SMOC2: variants seen among roughly 807,000 people sequenced by gnomAD.
SMOC2 encodes SPARC related modular calcium binding 2.
In SMOC2, 39 loss-of-function variants were observed where a neutral mutation model predicts 61.4. That is an observed-to-expected ratio of 0.64 (90% CI 0.49 to 0.83). SMOC2 has a LOEUF of 0.83. Ranked by LOEUF, SMOC2 falls within the 40% of genes least tolerant of loss-of-function variation. SMOC2 has a pLI of 0.00. For synonymous variants in SMOC2, 247 were observed against 239.9 expected (o/e 1.03, Z -0.27); for missense variants, 556 against 592.9 (o/e 0.94, Z 0.65).
chr6:168,507,417 T>C (rs1462415635), intron 1 of SMOC2, among the ~76,000 whole-genome samples: 1 of 152,350 alleles, frequency 6.6e-6, no homozygotes, highest in African/African-American at 2.4e-5. Context: ...TGCAAAGCTG[T>C]GCTGCCCCAG....
intron 9 of SMOC2, among the ~76,000 whole-genome samples, chr6:168,641,123 T>C (rs973141815): frequency 1.3e-5 from 2 of 152,158 alleles, no homozygotes; most frequent in African/African-American, 4.8e-5. Flanking sequence ...AGAGTGAGAA[T>C]ACAGTCTTGC....
At chr6:168,497,047 G>T (rs1027359079) in intron 1 of SMOC2, among the ~76,000 whole-genome samples, 2 of 152,188 alleles carry the variant, frequency 1.3e-5, no homozygotes, top group Admixed American at 6.5e-5. Flanking sequence ...GCCCAGGCCC[G>T]CCCCTTCCTC....
At chr6:168,567,754 G>A (rs12195840) in intron 7 of SMOC2, among the ~76,000 whole-genome samples, 17,295 of 152,154 alleles carry the variant, frequency 0.11, 1,186 homozygotes, top group African/African-American at 0.17. Context: ...AGCCACAGGC[G>A]AAGACCAGAT....
intron 3 of SMOC2, among the ~76,000 whole-genome samples, chr6:168,526,699 A>C (rs1783462655): frequency 6.6e-6 from 1 of 152,224 alleles, no homozygotes. Context: ...TGCTGCTGTC[A>C]TTCACACTTT....
chr6:168,612,163 G>A (rs376038111), intron 9 of SMOC2, among the ~76,000 whole-genome samples: 169 of 152,296 alleles, frequency 1.1e-3, no homozygotes, highest in South Asian at 6.9e-3. Flanking sequence ...AGTGTGGGGA[G>A]AGGGTGACCC....
At chr6:168,495,240 C>T (rs1782557936) in intron 1 of SMOC2, among the ~76,000 whole-genome samples, 2 of 152,192 alleles carry the variant, frequency 1.3e-5, no homozygotes, top group South Asian at 2.1e-4. Context: ...GGGAAAGGCT[C>T]CTTGTGGCCC....
chr6:168,653,648 CCCTCTACCT>C (rs1787259404), intron 11 of SMOC2, among the ~76,000 whole-genome samples: 1 of 132,470 alleles, frequency 7.5e-6, no homozygotes, highest in African/African-American at 2.9e-5. Flanking sequence ...AACTCACCAA[CCCTCTACCT>C]GAGCTCCAAC....
intron 1 of SMOC2, among the ~76,000 whole-genome samples, chr6:168,484,517 G>GT (rs2115026514): frequency 6.6e-6 from 1 of 152,304 alleles, no homozygotes; most frequent in South Asian, 2.1e-4. Context: ...TAAAGCTGCT[G>GT]TGGAAAACAG....
chr6:168,619,218 C>G (rs1353283496), intron 9 of SMOC2, among the ~76,000 whole-genome samples: 1 of 152,148 alleles, frequency 6.6e-6, no homozygotes, highest in Non-Finnish European at 1.5e-5. Flanking sequence ...CCAAAGACAG[C>G]AGGGAGCATT....
intron 1 of SMOC2, among the ~76,000 whole-genome samples, chr6:168,461,947 TC>T (rs1331844607): frequency 1.3e-5 from 2 of 152,232 alleles, no homozygotes; most frequent in Non-Finnish European, 2.9e-5. Context: ...TGCCTTAGTG[TC>T]TTAGCCCGTC....
At chr6:168,479,548 G>T (rs529230231) in intron 1 of SMOC2, among the ~76,000 whole-genome samples, 14 of 152,274 alleles carry the variant, frequency 9.2e-5, no homozygotes, top group African/African-American at 3.4e-4. Flanking sequence ...CTAGGTAAAG[G>T]CTTGGACAGT....
intron 7 of SMOC2, among the ~76,000 whole-genome samples, chr6:168,578,043 C>T (rs1192888435): frequency 6.6e-6 from 1 of 152,244 alleles, no homozygotes; most frequent in Non-Finnish European, 1.5e-5. Flanking sequence ...CACTCTCCTA[C>T]ATCTGTGTCC....
At chr6:168,512,777 T>C (rs1783038197) in intron 2 of SMOC2, among the ~76,000 whole-genome samples, 1 of 152,142 alleles carries the variant, frequency 6.6e-6, no homozygotes, top group Admixed American at 6.5e-5. Flanking sequence ...GAAAACCACT[T>C]TCTATGGCCT....
chr6:168,534,063 A>G (rs888492986), intron 4 of SMOC2, among the ~76,000 whole-genome samples: 4 of 152,230 alleles, frequency 2.6e-5, no homozygotes, highest in African/African-American at 9.6e-5. Context: ...CTGTGCAACA[A>G]AAGTGAGACC....
chr6:168,446,675 A>G (rs1781339670), intron 1 of SMOC2, among the ~76,000 whole-genome samples: 1 of 152,242 alleles, frequency 6.6e-6, no homozygotes, highest in African/African-American at 2.4e-5. Context: ...CTAAAAAGAA[A>G]TTGCTCTGAA....
chr6:168,546,175 G>A (rs911551763), intron 5 of SMOC2, among the ~76,000 whole-genome samples: 4 of 147,322 alleles, frequency 2.7e-5, no homozygotes, highest in African/African-American at 1.0e-4. Context: ...CCTTGTATCT[G>A]GCCCTCATCT....
rs892435559 is a variant in SMOC2 at position 168,608,132 on chromosome 6, TCCCCCGCCTTC to T, written c.825-16_825-6del. 1.9e-6 allele frequency: 3 copies of T among 1,594,766 alleles called. No individual in the cohort carries two copies. The highest frequency in any genetic ancestry group is 1.4e-5 in the African/African-American group (1 of 73,894). On this transcript the variant is annotated splice_polypyrimidine_tract_variant and intron_variant, in intron 8 of 12. Transcript: ENST00000356284. Reference sequence around the variant, plus strand: ...TCAAGCCCGTTGTTTTCTCTCTCCTTCCCCCGCCTTCCCCCCGCCCATAGGTACGAGCAGCC... The same window carrying T: ...TCAAGCCCGTTGTTTTCTCTCTCCTTCCCCCGCCCATAGGTACGAGCAGCC...
At chr6:168,511,809 G>A (rs1195688113) in intron 2 of SMOC2, among the ~76,000 whole-genome samples, 1 of 58,484 alleles carries the variant, frequency 1.7e-5, no homozygotes, top group Non-Finnish European at 4.8e-5. Context: ...TCATTATCAA[G>A]GGTTGTTTTT....
chr6:168,619,663 G>A lies in SMOC2; in HGVS notation c.907+11424G>A, dbSNP rs532715239. ...TAATCAAATTAAAACCTCCTATAAC[G>A]CAAGTCTCACTTACTTCCCGTTTGC... On this transcript the variant is annotated intron_variant, in intron 9 of 12. Coordinates refer to ENST00000356284, the MANE Select transcript of SMOC2 (RefSeq NM_001166412.2). Among the ~76,000 whole-genome samples the A allele has an allele frequency of 1.5e-3, 234 of 152,198 alleles. 1 individual carries two copies. The highest frequency in any genetic ancestry group is 6.8e-3 in the Middle Eastern group (2 of 294).
Sources: gnomAD v4.1 joint callset for allele counts (sites outside exome capture counted in the v4.1 genomes callset) on GRCh38, gnomAD v4.1.1 for gene constraint, MANE v1.5 for transcripts, NCBI Gene and HGNC (gene_info 2026-07-23, HGNC 2026-07-21) for gene names.